Variants in STPG2 observed in about 807,000 individuals in gnomAD.
The protein encoded by STPG2 is sperm-tail PG-rich repeat-containing protein 2.
STPG2 carries 56 observed loss-of-function variants against 54.2 expected under a neutral mutation model. The observed-to-expected ratio is 1.03, with a 90% CI of 0.83 to 1.29. The LOEUF is 1.29. STPG2 is among the 50% of genes most tolerant of loss of function. STPG2 has a pLI of 0.00. For missense variants in STPG2, 596 were observed against 544.9 expected (o/e 1.09, Z -0.93); for synonymous variants, 200 against 181.8 (o/e 1.10, Z -0.81).
At chr4:98,032,804 C>T (rs994563684) in intron 5 of STPG2, among the ~76,000 whole-genome samples, 2 of 152,214 alleles carry the variant, frequency 1.3e-5, no homozygotes, top group Non-Finnish European at 2.9e-5. Context: ...CAAACCCACA[C>T]AACTACATGG....
At chr4:97,568,900 G>GTTT (rs70953073) in intron 10 of STPG2, among the ~76,000 whole-genome samples, 136 of 143,796 alleles carry the variant, frequency 9.5e-4, no homozygotes, top group African/African-American at 3.5e-3. Context: ...TTTTTGTTTT[G>GTTT]TTTTTTTTTT....
chr4:97,783,908 C>T (rs772590147), intron 9 of STPG2, among the ~76,000 whole-genome samples: 70 of 151,032 alleles, frequency 4.6e-4, no homozygotes, highest in African/African-American at 9.0e-4. Context: ...TCACACACTG[C>T]GGCCAGTCAT....
At chr4:97,552,315 T>C (rs555004268) in intron 4 of STPG2, among the ~76,000 whole-genome samples, 6 of 152,146 alleles carry the variant, frequency 3.9e-5, no homozygotes, top group African/African-American at 1.2e-4. Context: ...AAAAACATAA[T>C]AGTTCTTACA....
intron 10 of STPG2, among the ~76,000 whole-genome samples, chr4:97,580,520 CTCTCTGTCTCTCTG>C (rs376400872): frequency 0.032 from 4,876 of 151,690 alleles, 182 homozygotes; most frequent in African/African-American, 0.098. Context: ...ACATTTCACC[CTCTCTGTCTCTCTG>C]TCTCTGTCTC....
chr4:98,070,789 T>C (rs1018198263), intron 5 of STPG2, among the ~76,000 whole-genome samples: 2 of 151,858 alleles, frequency 1.3e-5, no homozygotes, highest in African/African-American at 4.8e-5. Flanking sequence ...ATAAAATACC[T>C]AGGAATACAG....
chr4:97,927,230 A>T (rs1266702486), intron 8 of STPG2, among the ~76,000 whole-genome samples: 5 of 152,134 alleles, frequency 3.3e-5, no homozygotes, highest in Non-Finnish European at 7.4e-5. Context: ...ATTATAACTG[A>T]TAAGTGATAC....
chr4:98,005,275 G>A (rs1735541750), intron 5 of STPG2, among the ~76,000 whole-genome samples: 1 of 152,074 alleles, frequency 6.6e-6, no homozygotes, highest in Non-Finnish European at 1.5e-5. Flanking sequence ...CTAGTCCAGT[G>A]ACTCAAATGT....
At chr4:97,719,438 A>G (rs1302857240) in intron 9 of STPG2, among the ~76,000 whole-genome samples, 1 of 152,002 alleles carries the variant, frequency 6.6e-6, no homozygotes, top group Non-Finnish European at 1.5e-5. Flanking sequence ...ATTCATCCCA[A>G]AATAATAAAT....
chr4:97,712,743 A>T lies in STPG2; in HGVS notation c.1276T>A (p.Phe426Ile). ...GGAGTAATCTCTTTGGACTCTTCAA[A>T]GCGCTTTGATGCTTTCACAAATAAG... Reference protein sequence around the residue: ...IPLFVKASKRFEESKEITPGP... With the variant: ...IPLFVKASKRIEESKEITPGP... The change falls in exon 10 of 11, where the codon TTT becomes ATT. Residue 426 changes from phenylalanine (F) to isoleucine (I), a missense_variant. By Grantham distance (21) the Phe-to-Ile change is conservative. Coordinates refer to ENST00000295268, the MANE Select transcript of STPG2 (RefSeq NM_174952.3). 1 of 1,609,738 alleles carries T rather than the reference A, an allele frequency of 6.2e-7. No homozygotes were observed. The highest frequency in any genetic ancestry group is 8.5e-7 in the Non-Finnish European group (1 of 1,177,252).
chr4:97,993,363 A>C (rs1331565011), intron 5 of STPG2, among the ~76,000 whole-genome samples: 1 of 152,088 alleles, frequency 6.6e-6, no homozygotes, highest in Non-Finnish European at 1.5e-5. Flanking sequence ...AATTCTATTT[A>C]TGTAGTATAT....
At chr4:97,819,599 T>C (rs1728019706) in intron 9 of STPG2, among the ~76,000 whole-genome samples, 1 of 152,150 alleles carries the variant, frequency 6.6e-6, no homozygotes, top group Non-Finnish European at 1.5e-5. Flanking sequence ...TTGCTGAGTC[T>C]ATCATTCATT....
intron 8 of STPG2, among the ~76,000 whole-genome samples, chr4:97,862,849 G>A (rs767098567): frequency 1.1e-4 from 16 of 152,230 alleles, no homozygotes; most frequent in African/African-American, 1.9e-4. Context: ...AATGACTACC[G>A]CATACGTAAC....
chr4:97,980,643 A>T (rs1270948016), intron 6 of STPG2, among the ~76,000 whole-genome samples: 1 of 152,136 alleles, frequency 6.6e-6, no homozygotes, highest in Non-Finnish European at 1.5e-5. Context: ...TATAATAGAA[A>T]AGCCTGTTGT....
intron 8 of STPG2, among the ~76,000 whole-genome samples, chr4:97,845,622 A>G (rs1288831286): frequency 7.9e-5 from 12 of 152,314 alleles, no homozygotes; most frequent in Non-Finnish European, 1.6e-4. Flanking sequence ...TTTTGTTTTA[A>G]CATATTTTAT....
rs191214506 is a variant in STPG2, at chr4:97,672,474, G to A, written c.1320+40225C>T. On this transcript the variant is annotated intron_variant, in intron 10 of 10. Transcript: ENST00000295268. ...ATTACAGGCATGAGCCACCACGCCC[G>A]GTCACAAACTAGTAATTCTAAAGTA... Among the ~76,000 whole-genome samples, 386 of 151,956 alleles carry A rather than the reference G, an allele frequency of 2.5e-3. 2 individuals are homozygous for A. The highest frequency in any genetic ancestry group is 2.3e-3 in the Non-Finnish European group (157 of 67,968).
intron 8 of STPG2, among the ~76,000 whole-genome samples, chr4:97,872,475 A>T (rs532456623): frequency 6.0e-4 from 91 of 151,410 alleles, no homozygotes; most frequent in Middle Eastern, 3.4e-3. Flanking sequence ...TACACAAACA[A>T]TTATTAATTA....
chr4:97,886,793 C>A (rs764672084), intron 8 of STPG2, among the ~76,000 whole-genome samples: 1 of 152,138 alleles, frequency 6.6e-6, no homozygotes, highest in Non-Finnish European at 1.5e-5. Flanking sequence ...CAGTATTGGA[C>A]GTGGGGTCTG....
intron 9 of STPG2, among the ~76,000 whole-genome samples, chr4:97,830,182 G>C (rs150398267): frequency 1.9e-3 from 294 of 152,304 alleles, no homozygotes; most frequent in African/African-American, 7.0e-3. Context: ...TCTCTCTACA[G>C]AAACCCTACA....
intron 8 of STPG2, among the ~76,000 whole-genome samples, chr4:97,891,414 A>G (rs1730765769): frequency 6.6e-6 from 1 of 152,110 alleles, no homozygotes; most frequent in Non-Finnish European, 1.5e-5. Context: ...TGAGAACAGT[A>G]ATATCTCTCA....
Sources: gnomAD v4.1 joint callset for allele counts (sites outside exome capture counted in the v4.1 genomes callset) on GRCh38, gnomAD v4.1.1 for gene constraint, MANE v1.5 for transcripts, NCBI Gene and HGNC (gene_info 2026-07-23, HGNC 2026-07-21) for gene names.